The following NAAA variants were observed in gnomAD, a reference collection of about 807,000 sequenced individuals.
NAAA encodes the protein N-acylethanolamine-hydrolyzing acid amidase.
Under a neutral mutation model 44.8 loss-of-function variants are expected in NAAA, and 39 were observed. The observed-to-expected ratio is 0.87, with a 90% CI of 0.67 to 1.14. NAAA has a LOEUF of 1.14. Among genes scored for constraint, NAAA ranks in the 50% most tolerant of loss-of-function variants. The pLI, the probability that NAAA is intolerant of heterozygous loss-of-function variation, is 0.00. For synonymous variants in NAAA, 178 were observed against 191.3 expected (o/e 0.93, Z 0.58); for missense variants, 460 against 467.8 (o/e 0.98, Z 0.15).
In NAAA at chr4:75,921,029, G is replaced by GA; in HGVS notation, c.760dup (p.Ser254PhefsTer32). 6.2e-7 allele frequency: 1 copy of GA among 1,608,542 alleles called. No individual in the cohort carries two copies. The highest frequency in any genetic ancestry group is 1.7e-5 in the Admixed American group (1 of 57,858). ...CGTGATGACCACCCCCTCCCGGGGG[G>GA]ACGTGCCACCAACAATGTAATAAAC... On this transcript the variant is annotated frameshift_variant, in exon 6 of 11. Transcript: ENST00000286733. LOFTEE classifies it high-confidence loss of function.
chr4:75,927,469 G>GA (rs56895550), intron 4 of NAAA, among the ~76,000 whole-genome samples: 32 of 149,716 alleles, frequency 2.1e-4, no homozygotes, highest in Non-Finnish European at 4.0e-4. Context: ...AAGAGAAAAA[G>GA]AAAAAAAACA....
chr4:75,920,523 C>T (rs1726047571), intron 7 of NAAA, among the ~76,000 whole-genome samples: 1 of 152,172 alleles, frequency 6.6e-6, no homozygotes, highest in Non-Finnish European at 1.5e-5. Flanking sequence ...CTGACCCTGA[C>T]AGCCTCCCAA....
At chr4:75,940,219 GACTGCGTGTGC>G in intron 1 of NAAA, 54 bp from the exon 2 acceptor site, 1 of 1,574,044 alleles carries the variant, frequency 6.4e-7, no homozygotes, top group Non-Finnish European at 8.7e-7. Context: ...GGCGGCGTGC[GACTGCGTGTGC>G]ACTGCGAGCG....
At chr4:75,934,509 A>C (rs1212178403) in intron 3 of NAAA, among the ~76,000 whole-genome samples, 1 of 118,392 alleles carries the variant, frequency 8.4e-6, no homozygotes, top group Non-Finnish European at 1.8e-5. Flanking sequence ...TTGTAGTTTT[A>C]GTAGAGACGG....
intron 9 of NAAA, among the ~76,000 whole-genome samples, chr4:75,916,778 C>CTT (rs35739236): frequency 0.021 from 1,651 of 76,956 alleles, 227 homozygotes; most frequent in South Asian, 0.039. Context: ...TTCATCACTT[C>CTT]TTTTTTTTTT....
chr4:75,915,597 T>C (rs955476978), intron 9 of NAAA, among the ~76,000 whole-genome samples: 6 of 151,764 alleles, frequency 4.0e-5, no homozygotes, highest in Admixed American at 6.6e-5. Flanking sequence ...GAAGTGGAGG[T>C]GGGGCTGTTC....
intron 9 of NAAA, chr4:75,917,173 C>T: frequency 1.3e-5 from 10 of 763,056 alleles, no homozygotes; most frequent in Non-Finnish European, 1.6e-5. Context: ...ATTAAAAGGG[C>T]AACATTGTGC....
At chr4:75,917,641 T>G in intron 9 of NAAA, 1 of 243,386 alleles carries the variant, frequency 4.1e-6, no homozygotes, top group South Asian at 4.1e-5. Flanking sequence ...GATTTTTGTA[T>G]TTTTAGTAGA....
intron 4 of NAAA, among the ~76,000 whole-genome samples, chr4:75,930,823 C>G (rs551734131): frequency 6.6e-6 from 1 of 152,194 alleles, no homozygotes; most frequent in Non-Finnish European, 1.5e-5. Flanking sequence ...CACTGACTTT[C>G]TTTGGCTTCT....
chr4:75,911,530 T>C (rs74878492), downstream of NAAA, among the ~76,000 whole-genome samples: 14,164 of 152,152 alleles, frequency 0.093, 1,206 homozygotes, highest in African/African-American at 0.23. Context: ...GGGTTGCTGA[T>C]TGGGGATGAA....
At chr4:75,911,458 C>T (rs1290838254), downstream of NAAA, 1 of 459,664 alleles carries the variant, frequency 2.2e-6, no homozygotes, top group East Asian at 6.9e-5. Flanking sequence ...AAATCAGTCT[C>T]TCCAAGAACT....
At chr4:75,919,832 T>G (rs761564172) in intron 8 of NAAA, 77 bp downstream of exon 8, 1 of 1,359,122 alleles carries the variant, frequency 7.4e-7, no homozygotes, top group Non-Finnish European at 1.1e-6. Context: ...ACCAGAAGAT[T>G]TCACGGAGTT....
intron 3 of NAAA, chr4:75,935,859 T>C (rs1727658611): frequency 1.0e-5 from 6 of 576,212 alleles, no homozygotes; most frequent in South Asian, 6.9e-5. Context: ...TTGATCACTC[T>C]CTAAAAGAGA....
chr4:75,920,741 CG>C lies in NAAA; in HGVS notation c.898del (p.Arg300GlyfsTer41), dbSNP rs766226158. 2.5e-6 allele frequency: 4 copies of C among 1,614,206 alleles called. No individual in the cohort carries two copies. The highest frequency in any genetic ancestry group is 1.1e-5 in the South Asian group (1 of 91,086). ...CAGAAAGCACGTAGCAGCCTACCTCCGGTCATCTTCCTTGGGTGCTGGCTTC... is the reference window on the plus strand; with the variant it reads ...CAGAAAGCACGTAGCAGCCTACCTCCGTCATCTTCCTTGGGTGCTGGCTTC... ...HWKPAPKEDD[R>X]RTSAIKALNA... On this transcript the variant is annotated frameshift_variant, in exon 7 of 11. Transcript: ENST00000286733. LOFTEE classifies it high-confidence loss of function.
At chr4:75,930,500 A>G (rs780293617) in intron 4 of NAAA, 1 of 518,576 alleles carries the variant, frequency 1.9e-6, no homozygotes, top group Non-Finnish European at 3.8e-6. Context: ...AAGACATGTG[A>G]GGATGTACAT....
At chr4:75,910,874 C>T (rs1424847694), downstream of NAAA, among the ~76,000 whole-genome samples, 1 of 152,122 alleles carries the variant, frequency 6.6e-6, no homozygotes, top group Non-Finnish European at 1.5e-5. Context: ...TTTTTAATCA[C>T]CTGGGTGCAC....
chr4:75,932,154 G>C (rs1458332228), intron 3 of NAAA, among the ~76,000 whole-genome samples: 1 of 152,122 alleles, frequency 6.6e-6, no homozygotes, highest in East Asian at 1.9e-4. Context: ...ACTTGAACCC[G>C]GGAGGCGGAG....
chr4:75,915,909 G>C (rs1249776083), intron 9 of NAAA, among the ~76,000 whole-genome samples: 2 of 152,236 alleles, frequency 1.3e-5, no homozygotes, highest in Non-Finnish European at 2.9e-5. Flanking sequence ...TGAGGTGCAT[G>C]TGCAAAATAT....
At chr4:75,924,309 T>C (rs535978257) in intron 5 of NAAA, among the ~76,000 whole-genome samples, 1 of 152,372 alleles carries the variant, frequency 6.6e-6, no homozygotes, top group South Asian at 2.1e-4. Context: ...TGGCAAATTA[T>C]TAAGTACGAT....
Sources: gnomAD v4.1 joint callset for allele counts (sites outside exome capture counted in the v4.1 genomes callset) on GRCh38, gnomAD v4.1.1 for gene constraint, MANE v1.5 for transcripts, NCBI Gene and HGNC (gene_info 2026-07-23, HGNC 2026-07-21) for gene names.